The following PIEZO2 variants were observed in gnomAD, a reference collection of about 807,000 sequenced individuals.
The protein encoded by PIEZO2 is piezo-type mechanosensitive ion channel component 2.
In PIEZO2, 172 loss-of-function variants were observed where a neutral mutation model predicts 337.3. That is an observed-to-expected ratio of 0.51 (90% CI 0.45 to 0.58). PIEZO2 has a LOEUF of 0.58. Among genes scored for constraint, PIEZO2 ranks in the 20% least tolerant of loss-of-function variants. PIEZO2 has a pLI of 0.00. For missense variants in PIEZO2, 3,028 were observed against 3,391.3 expected, an observed-to-expected ratio of 0.89 and a Z score of 2.66; for synonymous variants, 1,251 against 1,228.5, an observed-to-expected ratio of 1.02 and a Z score of -0.38.
chr18:10,792,920 A>G (rs927254119), intron 13 of PIEZO2, among the ~76,000 whole-genome samples: 2 of 152,154 alleles, frequency 1.3e-5, no homozygotes, highest in African/African-American at 4.8e-5. Flanking sequence ...CAACTTCTCC[A>G]TGTCCTCAGT....
chr18:11,022,820 G>A (rs1295123279), intron 2 of PIEZO2, among the ~76,000 whole-genome samples: 1 of 152,212 alleles, frequency 6.6e-6, no homozygotes, highest in Non-Finnish European at 1.5e-5. Context: ...CGAGAATGAA[G>A]TCGCGGACCC....
At position 10,929,004 on chromosome 18, in the gene PIEZO2, GA is replaced by G. The variant is rs2145180069; in HGVS notation, c.287-17777del. Reference sequence around the variant, plus strand: ...AATTCAAATGCATTAACAGGAGAGAGAAAAAAAGATTTTTTGGTTTGTCTCA... The same window carrying G: ...AATTCAAATGCATTAACAGGAGAGAGAAAAAAGATTTTTTGGTTTGTCTCA... On this transcript the variant is annotated intron_variant, in intron 3 of 55. Transcript: ENST00000674853. The surrounding 1 kb of genome is among the most constrained non-coding windows in gnomAD (Gnocchi z 5.6). Among the ~76,000 whole-genome samples the G allele has an allele frequency of 6.6e-6, 1 of 152,188 alleles. No individual in the cohort carries two copies. The highest frequency in any genetic ancestry group is 2.4e-5 in the African/African-American group (1 of 41,546).
chr18:10,887,854 T>A (rs1201905269), intron 4 of PIEZO2, among the ~76,000 whole-genome samples: 1 of 152,236 alleles, frequency 6.6e-6, no homozygotes, highest in Non-Finnish European at 1.5e-5. Context: ...GACATGGTGC[T>A]GTACTGCTCT....
Position 11,080,152 on chromosome 18 carries a change from T to TA in PIEZO2, c.65-13931dup, listed in dbSNP as rs1167965803. Among the ~76,000 whole-genome samples the TA allele has an allele frequency of 1.3e-5, 2 of 152,166 alleles. No homozygotes were observed. Among genetic ancestry groups the TA allele is most frequent in the Non-Finnish European group, 2.9e-5 (2 of 68,028 alleles). On this transcript the variant is annotated intron_variant, in intron 1 of 55. Coordinates refer to ENST00000674853, the MANE Select transcript of PIEZO2 (RefSeq NM_001378183.1). The surrounding 1 kb of genome is among the most constrained non-coding windows in gnomAD (Gnocchi z 5.4). Reference sequence around the variant, plus strand: ...CTCTCATCTACACAGAAAACACCTATAAAAATAACAGACTATTAACAGTAG... The same window carrying TA: ...CTCTCATCTACACAGAAAACACCTATAAAAAATAACAGACTATTAACAGTAG...
rs2038289711 is a variant in PIEZO2 at position 11,070,237 on chromosome 18, G to A, written c.65-4015C>T. ...ATAGACAACTGTAATACAATGGTAA[G>A]GATTTATGTATCTAAACATATCTAA... On this transcript the variant is annotated intron_variant, in intron 1 of 55. Coordinates refer to ENST00000674853, the MANE Select transcript of PIEZO2 (RefSeq NM_001378183.1). The surrounding 1 kb of genome is among the most constrained non-coding windows in gnomAD (Gnocchi z 4.3). Among the ~76,000 whole-genome samples the A allele has an allele frequency of 6.6e-6, 1 of 152,138 alleles. No homozygotes were observed. Among genetic ancestry groups the A allele is most frequent in the Admixed American group, 6.5e-5 (1 of 15,270 alleles).
At position 10,888,838 on chromosome 18, in the gene PIEZO2, C is replaced by T. The variant is rs1264197067; in HGVS notation, c.330-17423G>A. Among the ~76,000 whole-genome samples, 2 of 152,170 alleles carry T rather than the reference C, an allele frequency of 1.3e-5. No homozygotes were observed. Among genetic ancestry groups the T allele is most frequent in the East Asian group, 1.9e-4 (1 of 5,180 alleles). ...ATCCAGCTGTCACTTCTGCAACCCC[C>T]GAGACAGAGCCACTTTCTCATACAG... On this transcript the variant is annotated intron_variant, in intron 4 of 55. Transcript: ENST00000674853. This position sits in a 1 kb window ranked among gnomAD's most constrained non-coding sequence, Gnocchi z 4.1.
chr18:10,746,254 G>A lies in PIEZO2; in HGVS notation c.4425-2023C>T, dbSNP rs1464899174. The stretch of plus-strand genomic sequence containing the variant: ...GCAAGGCCTTCCTAAGACTGTGGGA[G>A]TATTTCTAAAGACATATCTGGGCTG... On this transcript the variant is annotated intron_variant, in intron 30 of 55. Transcript: ENST00000674853. This position sits in a 1 kb window ranked among gnomAD's most constrained non-coding sequence, Gnocchi z 4.2. Among the ~76,000 whole-genome samples, 1 of 152,190 alleles carries A rather than the reference G, an allele frequency of 6.6e-6. No homozygotes were observed. Among genetic ancestry groups the A allele is most frequent in the Non-Finnish European group, 1.5e-5 (1 of 68,026 alleles).
At position 10,794,220 on chromosome 18, in the gene PIEZO2, C is replaced by T. The variant is rs1287793599; in HGVS notation, c.1758+552G>A. On this transcript the variant is annotated intron_variant, in intron 13 of 55. Coordinates refer to ENST00000674853, the MANE Select transcript of PIEZO2 (RefSeq NM_001378183.1). The surrounding 1 kb of genome is among the most constrained non-coding windows in gnomAD (Gnocchi z 6.6). ...AAACTGTTAAAATGGCCCATGAAAG[C>T]AAATAAGTAATGAGAAGAGTATGAA... 6.6e-6 allele frequency among the ~76,000 whole-genome samples: 1 copy of T among 150,776 alleles called. No individual in the cohort carries two copies. The highest frequency in any genetic ancestry group is 2.4e-5 in the African/African-American group (1 of 40,840).
rs1016797361 is a variant in PIEZO2, at chr18:11,126,835, T to C, written c.64+21690A>G. 6.6e-6 allele frequency among the ~76,000 whole-genome samples: 1 copy of C among 152,168 alleles called. No individual in the cohort carries two copies. The highest frequency in any genetic ancestry group is 1.5e-5 in the Non-Finnish European group (1 of 68,034). On this transcript the variant is annotated intron_variant, in intron 1 of 55. Transcript: ENST00000674853. The surrounding 1 kb of genome is among the most constrained non-coding windows in gnomAD (Gnocchi z 4.6). ...AGTGACCCTATGAGGTAGTTACTTTTATTGCCTGCATTTTACAGATGAGGA... is the reference window on the plus strand; with the variant it reads ...AGTGACCCTATGAGGTAGTTACTTTCATTGCCTGCATTTTACAGATGAGGA...
At chr18:11,123,066 T>C (rs1371389307) in intron 1 of PIEZO2, among the ~76,000 whole-genome samples, 2 of 152,156 alleles carry the variant, frequency 1.3e-5, no homozygotes, top group Non-Finnish European at 2.9e-5. Context: ...TCTATTAAAC[T>C]AGTCTAAGAA....
In PIEZO2 at chr18:10,889,864, A is replaced by T. The variant is rs117348675; in HGVS notation, c.330-18449T>A. The stretch of plus-strand genomic sequence containing the variant: ...CGTGGATGTGTTAGCCACATAGAAG[A>T]AAGAGCTCCCAAGGACCTTTCCAGG... On this transcript the variant is annotated intron_variant, in intron 4 of 55. Transcript: ENST00000674853. Among the ~76,000 whole-genome samples the T allele has an allele frequency of 3.6e-4, 55 of 152,330 alleles. No individual in the cohort carries two copies. In the East Asian group the frequency reaches 0.01, roughly 29 times the overall value.
Position 11,122,014 on chromosome 18 carries a change from C to T in PIEZO2, c.64+26511G>A, listed in dbSNP as rs576076417. ...TGTCACCCAGGCTGGAGTGCAGTGG[C>T]GCTATCTCGGCTCACTGCAAGCTCC... On this transcript the variant is annotated intron_variant, in intron 1 of 55. Transcript: ENST00000674853. Among the ~76,000 whole-genome samples, 280 of 152,128 alleles carry T rather than the reference C, an allele frequency of 1.8e-3. 1 individual carries two copies. Among genetic ancestry groups the T allele is most frequent in the Middle Eastern group, 0.014 (4 of 294 alleles).
At position 11,111,806 on chromosome 18, in the gene PIEZO2, G is replaced by C. The variant is rs28573983; in HGVS notation, c.64+36719C>G. On this transcript the variant is annotated intron_variant, in intron 1 of 55. Coordinates refer to ENST00000674853, the MANE Select transcript of PIEZO2 (RefSeq NM_001378183.1). This position sits in a 1 kb window ranked among gnomAD's most constrained non-coding sequence, Gnocchi z 6.2. ...GGCTCCTTCCAGGAGGCTCCTTGTA[G>C]GTTAAATTATTCTTGATGAGAAGCA... Among the ~76,000 whole-genome samples the C allele has an allele frequency of 0.12, 17,630 of 152,184 alleles. 1,442 individuals carry two copies. The highest frequency in any genetic ancestry group is 0.23 in the African/African-American group (9,370 of 41,520).
rs561438881 is a variant in PIEZO2 at position 10,702,271 on chromosome 18, C to T, written c.6259-100G>A. On this transcript the variant is annotated intron_variant, in intron 42 of 55. Coordinates refer to ENST00000674853, the MANE Select transcript of PIEZO2 (RefSeq NM_001378183.1). ...ATATAACAATTAAGAAAGAGACCCG[C>T]ATTTCACAGTTTTGATGGTAGGCAG... 16 of 1,164,144 alleles carry T rather than the reference C, an allele frequency of 1.4e-5. No homozygotes were observed. The Admixed American group carries it at 3.1e-4, about 22-fold the overall frequency. The allele number at this position is 1,164,144 out of a possible 1,614,324, so 72.1% of individuals were successfully genotyped here.
chr18:10,718,084 T>C (rs1483201264), intron 37 of PIEZO2, 116 bp downstream of exon 37: 5 of 877,944 alleles, frequency 5.7e-6, no homozygotes, highest in Admixed American at 2.2e-5. Flanking sequence ...TATTTACTCA[T>C]AGTCCAGAAA....
chr18:10,914,308 T>A (rs1400279665), intron 3 of PIEZO2, among the ~76,000 whole-genome samples: 3 of 151,896 alleles, frequency 2.0e-5, no homozygotes, highest in Admixed American at 2.0e-4. Flanking sequence ...GCAACAATAA[T>A]TAAAAGGAAA....
chr18:10,919,341 T>C (rs947067911), intron 3 of PIEZO2, among the ~76,000 whole-genome samples: 5 of 152,280 alleles, frequency 3.3e-5, no homozygotes, highest in African/African-American at 1.2e-4. Context: ...TGAATGTTTA[T>C]CATGATTAAT....
In PIEZO2 at chr18:10,677,902, G is replaced by C; in HGVS notation, c.7953-27C>G. 6.4e-7 allele frequency: 1 copy of C among 1,550,406 alleles called. No homozygotes were observed. The highest frequency in any genetic ancestry group is 1.2e-5 in the South Asian group (1 of 83,506). On this transcript the variant is annotated intron_variant, in intron 52 of 55. Transcript: ENST00000674853. The surrounding 1 kb of genome is among the most constrained non-coding windows in gnomAD (Gnocchi z 4.1). Reference sequence around the variant, plus strand: ...TGTGAAGAAAAAAAAAAAGCTTAATGTCAGTGATTATTCAGAAGTCTGGAA... The same window carrying C: ...TGTGAAGAAAAAAAAAAAGCTTAATCTCAGTGATTATTCAGAAGTCTGGAA...
intron 3 of PIEZO2, among the ~76,000 whole-genome samples, chr18:10,959,702 G>A (rs1305114260): frequency 6.6e-6 from 1 of 151,912 alleles, no homozygotes; most frequent in African/African-American, 2.4e-5. Flanking sequence ...GTTGTCCAAG[G>A]GTAAAGAGAA....
Sources: gnomAD v4.1 joint callset for allele counts (sites outside exome capture counted in the v4.1 genomes callset) on GRCh38, gnomAD v4.1.1 for gene constraint, Gnocchi (gnomAD v3.1) non-coding constraint, MANE v1.5 for transcripts, NCBI Gene and HGNC (gene_info 2026-07-23, HGNC 2026-07-21) for gene names.